DPYD: variants seen among roughly 807,000 people sequenced by gnomAD.
DPYD encodes dihydropyrimidine dehydrogenase, also known as dihydropyrimidine dehydrogenase [NADP(+)].
Under a neutral mutation model 116.2 loss-of-function variants are expected in DPYD, and 109 were observed. The observed-to-expected ratio is 0.94, with a 90% CI of 0.80 to 1.10. The LOEUF (loss-of-function observed/expected upper bound fraction) is 1.10, where lower values mean the gene tolerates loss of function less well. DPYD is among the 50% of genes least tolerant of loss of function. The pLI is 0.00. For missense variants in DPYD, 1,302 were observed against 1,254.5 expected (o/e 1.04, Z -0.57); for synonymous variants, 440 against 432.0 (o/e 1.02, Z -0.23).
chr1:97,306,424 T>C, intron 16 of DPYD, 127 bp from the exon 17 acceptor site: 2 of 1,271,030 alleles, frequency 1.6e-6, no homozygotes, highest in Admixed American at 1.8e-5. Flanking sequence ...ACATGATATA[T>C]TTCTCAAATT....
At chr1:97,573,652 G>T in intron 11 of DPYD, 108 bp downstream of exon 11, 1 of 1,377,218 alleles carries the variant, frequency 7.3e-7, no homozygotes, top group Non-Finnish European at 1.0e-6. Context: ...TTAACTAGAA[G>T]AGGAAAATAA....
At chr1:97,757,286 C>T (rs943080925) in intron 3 of DPYD, among the ~76,000 whole-genome samples, 3 of 151,944 alleles carry the variant, frequency 2.0e-5, no homozygotes, top group Non-Finnish European at 2.9e-5. Context: ...GGATCAGGAA[C>T]GTCTTCCTGC....
intron 3 of DPYD, among the ~76,000 whole-genome samples, chr1:97,788,824 G>GT (rs1348442707): frequency 6.6e-6 from 1 of 152,090 alleles, no homozygotes; most frequent in Non-Finnish European, 1.5e-5. Flanking sequence ...TGTTGTTGTT[G>GT]TTGTTTGTTT....
chr1:97,454,245 A>C (rs1676568425), intron 13 of DPYD, among the ~76,000 whole-genome samples: 1 of 151,998 alleles, frequency 6.6e-6, no homozygotes, highest in African/African-American at 2.4e-5. Context: ...TAAGTGAAAG[A>C]TGAATGAAAA....
At chr1:97,176,898 A>T (rs201999159) in intron 20 of DPYD, among the ~76,000 whole-genome samples, 2 of 110,160 alleles carry the variant, frequency 1.8e-5, no homozygotes, top group Non-Finnish European at 4.4e-5. Context: ...GTGTGTGTGT[A>T]GGGGGGGTGT....
chr1:97,309,331 TTGTG>T (rs59669909), intron 16 of DPYD, among the ~76,000 whole-genome samples: 7,605 of 147,488 alleles, frequency 0.052, 237 homozygotes, highest in Middle Eastern at 0.16. Context: ...GTTGCTTGTC[TTGTG>T]TGTGTGTGTG....
At chr1:97,850,493 T>C (rs916205386) in intron 2 of DPYD, among the ~76,000 whole-genome samples, 7 of 152,180 alleles carry the variant, frequency 4.6e-5, no homozygotes, top group Non-Finnish European at 1.0e-4. Context: ...TTTGGTCCTT[T>C]GATTCAACAG....
chr1:97,181,929 T>A (rs1454265403), intron 20 of DPYD, among the ~76,000 whole-genome samples: 1 of 152,176 alleles, frequency 6.6e-6, no homozygotes, highest in African/African-American at 2.4e-5. Context: ...TGATTTCTAA[T>A]CTTTACAAAG....
At chr1:97,817,298 C>A (rs1668673750) in intron 3 of DPYD, among the ~76,000 whole-genome samples, 2 of 152,166 alleles carry the variant, frequency 1.3e-5, no homozygotes, top group South Asian at 2.1e-4. Context: ...TTTTTAAAAA[C>A]AACTTGTCAG....
At chr1:97,279,767 C>T (rs904547819) in intron 18 of DPYD, among the ~76,000 whole-genome samples, 5 of 152,110 alleles carry the variant, frequency 3.3e-5, no homozygotes, top group African/African-American at 9.7e-5. Context: ...ACCTCAGCCT[C>T]CCAAGGTGTT....
chr1:97,197,524 G>C (rs1357925154), intron 19 of DPYD, among the ~76,000 whole-genome samples: 1 of 152,126 alleles, frequency 6.6e-6, no homozygotes, highest in Non-Finnish European at 1.5e-5. Flanking sequence ...CACTGCAAGG[G>C]ATGAACAGTA....
intron 14 of DPYD, among the ~76,000 whole-genome samples, chr1:97,428,413 A>T (rs1394497700): frequency 2.0e-5 from 3 of 152,182 alleles, no homozygotes; most frequent in Non-Finnish European, 4.4e-5. Flanking sequence ...ATGAAAAAGA[A>T]TTTTTTAAAA....
At chr1:97,543,597 C>G (rs1233508310) in intron 12 of DPYD, among the ~76,000 whole-genome samples, 1 of 152,106 alleles carries the variant, frequency 6.6e-6, no homozygotes, top group African/African-American at 2.4e-5. Context: ...GACAAAATGT[C>G]ATAAGCCTTA....
chr1:97,545,509 T>A (rs2102068731), intron 12 of DPYD, among the ~76,000 whole-genome samples: 1 of 152,266 alleles, frequency 6.6e-6, no homozygotes, highest in East Asian at 1.9e-4. Context: ...AATGTTTGAC[T>A]TAAAAGCAGT....
At chr1:97,379,092 G>C (rs190080147) in intron 15 of DPYD, among the ~76,000 whole-genome samples, 4 of 152,326 alleles carry the variant, frequency 2.6e-5, no homozygotes, top group Admixed American at 2.6e-4. Context: ...GGGTCTTACA[G>C]AATAGGACAG....
chr1:97,314,042 A>G (rs942685696), intron 16 of DPYD, among the ~76,000 whole-genome samples: 2 of 151,964 alleles, frequency 1.3e-5, no homozygotes, highest in African/African-American at 4.8e-5. Context: ...GATACAGGAT[A>G]TTAGCAGCTC....
chr1:97,361,856 G>A (rs1418804559), intron 16 of DPYD, among the ~76,000 whole-genome samples: 2 of 152,162 alleles, frequency 1.3e-5, no homozygotes, highest in Non-Finnish European at 2.9e-5. Context: ...CATACTGAAT[G>A]GGCAAAAACT....
intron 3 of DPYD, among the ~76,000 whole-genome samples, chr1:97,760,976 C>A (rs1261405177): frequency 6.6e-6 from 1 of 151,976 alleles, no homozygotes; most frequent in East Asian, 1.9e-4. Context: ...AACCGTATGC[C>A]AAAGAGAAAG....
At chr1:97,920,659 G>A (rs1401336673) in intron 1 of DPYD, among the ~76,000 whole-genome samples, 1 of 152,198 alleles carries the variant, frequency 6.6e-6, no homozygotes, top group East Asian at 1.9e-4. Flanking sequence ...CCGACGCAAA[G>A]GGCAACCCCT....
Sources: allele counts gnomAD v4.1 joint callset (sites outside exome capture counted in the v4.1 genomes callset), GRCh38; gene constraint gnomAD v4.1.1; transcripts MANE v1.5; gene names NCBI Gene and HGNC (gene_info 2026-07-23, HGNC 2026-07-21).